Variants in FOCAD observed in about 807,000 individuals in gnomAD.
FOCAD encodes the protein KIAA1797.
A neutral mutation model predicts 225.6 loss-of-function variants in FOCAD; 198 were observed. The observed-to-expected ratio is 0.88, with a 90% CI of 0.78 to 0.99. FOCAD has a LOEUF of 0.99. Ranked by LOEUF, FOCAD falls within the 50% of genes least tolerant of loss-of-function variation. FOCAD has a pLI of 0.00. For missense variants in FOCAD, 2,713 were observed against 2,123.6 expected (o/e 1.28, Z -5.46); for synonymous variants, 897 against 755.0 (o/e 1.19, Z -3.08).
At chr9:20,668,035 A>G (rs1411532422) in intron 2 of FOCAD, among the ~76,000 whole-genome samples, 2 of 152,252 alleles carry the variant, frequency 1.3e-5, no homozygotes, top group Non-Finnish European at 2.9e-5. Flanking sequence ...ATTATCTCTA[A>G]TAATTTCTGA....
intron 11 of FOCAD, among the ~76,000 whole-genome samples, chr9:20,795,318 G>A (rs948708707): frequency 6.6e-6 from 1 of 152,152 alleles, no homozygotes; most frequent in Non-Finnish European, 1.5e-5. Flanking sequence ...GATTTTAGGA[G>A]CTAGTTCAGG....
intron 4 of FOCAD, among the ~76,000 whole-genome samples, chr9:20,732,278 C>T (rs557413681): frequency 1.3e-5 from 2 of 152,084 alleles, no homozygotes; most frequent in African/African-American, 4.8e-5. Flanking sequence ...TTTAAGATGA[C>T]GATTTGACTT....
intron 11 of FOCAD, among the ~76,000 whole-genome samples, chr9:20,796,276 C>T (rs915444200): frequency 2.0e-5 from 3 of 152,140 alleles, no homozygotes; most frequent in African/African-American, 2.4e-5. Flanking sequence ...AATAAACATA[C>T]GTGTGCATGT....
At chr9:20,664,912 C>T (rs927435904) in intron 2 of FOCAD, among the ~76,000 whole-genome samples, 1 of 151,830 alleles carries the variant, frequency 6.6e-6, no homozygotes, top group Admixed American at 6.6e-5. Flanking sequence ...TTTCAAAATA[C>T]CAGTTTTTGG....
chr9:20,778,542 G>A (rs139673255), intron 8 of FOCAD, 139 bp from the exon 9 acceptor site: 265 of 547,736 alleles, frequency 4.8e-4, no homozygotes, highest in East Asian at 2.7e-3. Flanking sequence ...CTTTAGTAGA[G>A]CACACTTGCT....
At chr9:20,954,274 T>C (rs1176393315) in intron 35 of FOCAD, among the ~76,000 whole-genome samples, 5 of 152,180 alleles carry the variant, frequency 3.3e-5, no homozygotes, top group Non-Finnish European at 7.3e-5. Context: ...ATAAATATTA[T>C]AGTAGAGATG....
chr9:20,678,250 T>C (rs1281768013), intron 2 of FOCAD, among the ~76,000 whole-genome samples: 1 of 152,224 alleles, frequency 6.6e-6, no homozygotes, highest in Non-Finnish European at 1.5e-5. Flanking sequence ...GGATCTGATA[T>C]TGTCTTGTTA....
intron 39 of FOCAD, 80 bp downstream of exon 39, chr9:20,982,526 G>C (rs139758102): frequency 8.4e-7 from 1 of 1,190,294 alleles, no homozygotes; most frequent in African/African-American, 1.5e-5. Flanking sequence ...GTGTTTGGCT[G>C]AAGCAAGTTT....
At chr9:20,772,890 T>C (rs182104102) in intron 8 of FOCAD, among the ~76,000 whole-genome samples, 5 of 151,732 alleles carry the variant, frequency 3.3e-5, no homozygotes, top group Non-Finnish European at 1.5e-5. Context: ...GTATCTTATG[T>C]GTAGTAGATA....
intron 28 of FOCAD, among the ~76,000 whole-genome samples, chr9:20,943,756 C>T (rs1461759020): frequency 6.6e-6 from 1 of 152,088 alleles, no homozygotes; most frequent in Non-Finnish European, 1.5e-5. Context: ...CAAGGCAAGC[C>T]AGAGTAAGGG....
Position 20,778,736 on chromosome 9 carries a change from C to T in FOCAD, c.962C>T (p.Pro321Leu), listed in dbSNP as rs770717413. Reference sequence around the variant, plus strand: ...ATAGCTTTACTACTTCTACAGACTCCAGCAAGTCAGCAGAAGCCAATCTTA... The same window carrying T: ...ATAGCTTTACTACTTCTACAGACTCTAGCAAGTCAGCAGAAGCCAATCTTA... ...IGIALLLLQTPASQQKPILNL... is the reference protein window; with the variant it reads ...IGIALLLLQTLASQQKPILNL... The change falls in exon 9 of 44, where the codon CCA becomes CTA. Residue 321 changes from proline (P) to leucine (L), a missense_variant. Transcript: ENST00000338382. The T allele has an allele frequency of 3.1e-6, 5 of 1,611,368 alleles. No individual in the cohort carries two copies. Among genetic ancestry groups the T allele is most frequent in the Non-Finnish European group, 4.2e-6 (5 of 1,178,112 alleles).
intron 19 of FOCAD, chr9:20,875,710 T>C (rs774060687): frequency 6.6e-6 from 1 of 152,124 alleles, no homozygotes; most frequent in Admixed American, 6.5e-5. Context: ...ACCCAAGAAA[T>C]GGTAGACGAT....
At chr9:20,683,656 GGCTAGA>G (rs1325677149), upstream of FOCAD, 6 of 152,112 alleles carry the variant, frequency 3.9e-5, no homozygotes, top group Non-Finnish European at 7.3e-5. Context: ...GAAACACTTG[GGCTAGA>G]ACTACCTCAG....
chr9:20,919,316 G>A (rs941721509), intron 24 of FOCAD, among the ~76,000 whole-genome samples: 2 of 152,104 alleles, frequency 1.3e-5, no homozygotes, highest in African/African-American at 2.4e-5. Flanking sequence ...AATAAAAGAC[G>A]ATACAAACAA....
At chr9:20,655,824 G>C (rs1821468149), upstream of FOCAD, among the ~76,000 whole-genome samples, 2 of 151,970 alleles carry the variant, frequency 1.3e-5, no homozygotes, top group Admixed American at 1.3e-4. Flanking sequence ...GCTAGATTTT[G>C]AATGTGTTTG....
intron 37 of FOCAD, among the ~76,000 whole-genome samples, chr9:20,980,592 A>G (rs976658562): frequency 1.3e-5 from 2 of 152,202 alleles, no homozygotes; most frequent in Non-Finnish European, 2.9e-5. Context: ...AACTCATGCA[A>G]CTACACTGAT....
chr9:20,874,852 T>TC, intron 19 of FOCAD, 45 bp downstream of exon 19: 2 of 1,610,762 alleles, frequency 1.2e-6, no homozygotes, highest in Non-Finnish European at 1.7e-6. Flanking sequence ...TTTTAGTGGT[T>TC]CGATTTGTCT....
chr9:20,856,898 A>T (rs1587414708), intron 15 of FOCAD, among the ~76,000 whole-genome samples: 1 of 152,056 alleles, frequency 6.6e-6, no homozygotes, highest in East Asian at 1.9e-4. Flanking sequence ...AGTTCACTGC[A>T]GATATGTGGA....
intron 3 of FOCAD, 62 bp from the exon 4 acceptor site, chr9:20,720,318 G>T (rs1825671061): frequency 7.0e-7 from 1 of 1,428,510 alleles, no homozygotes; most frequent in East Asian, 2.3e-5. Flanking sequence ...AATGACCAAA[G>T]GTGTGTGTGT....
Sources: gnomAD v4.1 joint callset for allele counts (sites outside exome capture counted in the v4.1 genomes callset) on GRCh38, gnomAD v4.1.1 for gene constraint, MANE v1.5 for transcripts, NCBI Gene and HGNC (gene_info 2026-07-23, HGNC 2026-07-21) for gene names.